OLFM3: variants seen among roughly 807,000 people sequenced by gnomAD.
OLFM3 encodes noelin-3.
In OLFM3, 20 loss-of-function variants were observed where a neutral mutation model predicts 48.6. The ratio of observed to expected loss-of-function variants is 0.41; its 90% CI spans 0.29 to 0.60. The LOEUF (loss-of-function observed/expected upper bound fraction) is 0.60. Ranked by LOEUF, OLFM3 falls within the 20% of genes least tolerant of loss-of-function variation. The probability of loss-of-function intolerance (pLI) is 0.28; values close to 1 mark genes in which losing one functional copy is unlikely to be tolerated. For missense variants in OLFM3, 437 were observed against 544.3 expected (o/e 0.80, Z 1.96); for synonymous variants, 222 against 198.1 (o/e 1.12, Z -1.01).
chr1:101,829,684 A>G (rs1655049065), intron 3 of OLFM3, among the ~76,000 whole-genome samples: 3 of 152,246 alleles, frequency 2.0e-5, no homozygotes, highest in African/African-American at 2.4e-5. Context: ...CCTCAACATC[A>G]GCAGTGAATC....
chr1:101,914,857 G>A (rs1447919505), intron 1 of OLFM3, among the ~76,000 whole-genome samples: 1 of 152,204 alleles, frequency 6.6e-6, no homozygotes, highest in Non-Finnish European at 1.5e-5. Context: ...ATATTTGACA[G>A]AAAGAAGAGG....
In OLFM3 at chr1:101,850,068, C is replaced by T. The variant is rs568730207; in HGVS notation, c.70-13043G>A. 2.6e-5 allele frequency among the ~76,000 whole-genome samples: 4 copies of T among 152,294 alleles called. No homozygotes were observed. In the East Asian group the frequency reaches 7.7e-4, roughly 29 times the overall value. ...TCAACGTAAAAATGCAGTTTTAAAA[C>T]TACCACAATTTTCATTTATTCAATT... On this transcript the variant is annotated intron_variant, in intron 1 of 5. Transcript: ENST00000370103.
At chr1:101,974,715 C>T (rs373520740) in intron 1 of OLFM3, among the ~76,000 whole-genome samples, 2 of 152,118 alleles carry the variant, frequency 1.3e-5, no homozygotes, top group African/African-American at 4.8e-5. Flanking sequence ...TGCTCTGAAC[C>T]GGGCTTGTGG....
At position 101,889,374 on chromosome 1, in the gene OLFM3, C is replaced by T. The variant is rs550131893; in HGVS notation, c.70-52349G>A. Among the ~76,000 whole-genome samples the T allele has an allele frequency of 3.3e-5, 5 of 152,148 alleles. No homozygotes were observed. In the East Asian group the frequency reaches 7.7e-4, roughly 24 times the overall value. ...GTAGGGACATGAATGAAGCTGGAAG[C>T]CATCATTCTGAGCAAACTATTGAAA... is the stretch of plus-strand genomic sequence containing the variant. On this transcript the variant is annotated intron_variant, in intron 1 of 5. Coordinates refer to ENST00000370103, the MANE Select transcript of OLFM3 (RefSeq NM_058170.4).
At chr1:101,915,464 C>T (rs1398975570) in intron 1 of OLFM3, among the ~76,000 whole-genome samples, 1 of 151,938 alleles carries the variant, frequency 6.6e-6, no homozygotes, top group East Asian at 1.9e-4. Flanking sequence ...CAATGAAGCA[C>T]TTTATCTTAA....
chr1:101,802,695 A>G lies in OLFM3; in HGVS notation c.*1543T>C, dbSNP rs1653546737. On this transcript the variant is annotated 3_prime_UTR_variant, in exon 6 of 6. Transcript: ENST00000370103. ...TTAGGATTTCTTTACATGATGCTTT[A>G]TCTAAATCATTACATCCTTATCTTT... The G allele has an allele frequency of 6.6e-6, 1 of 151,680 alleles. No individual in the cohort carries two copies. Among genetic ancestry groups the G allele is most frequent in the Non-Finnish European group, 1.5e-5 (1 of 67,748 alleles). 9.4% of individuals were successfully genotyped at this position (151,680 alleles called of 1,614,324 possible).
intron 1 of OLFM3, among the ~76,000 whole-genome samples, chr1:101,942,164 G>A (rs1420406956): frequency 6.6e-6 from 1 of 152,148 alleles, no homozygotes; most frequent in Admixed American, 6.5e-5. Context: ...AGAATCAAAA[G>A]AAAGTGGTAA....
chr1:101,805,953 T>C (rs1447478229), intron 5 of OLFM3, 123 bp downstream of exon 5: 3 of 587,034 alleles, frequency 5.1e-6, no homozygotes, highest in South Asian at 5.9e-5. Context: ...CAGAAAATAT[T>C]TGCAAATTAT....
intron 1 of OLFM3, among the ~76,000 whole-genome samples, chr1:101,907,435 G>A (rs1658588987): frequency 6.6e-6 from 1 of 152,170 alleles, no homozygotes; most frequent in Admixed American, 6.5e-5. Flanking sequence ...CTGACAGCTT[G>A]ACCTTACTTG....
intron 1 of OLFM3, among the ~76,000 whole-genome samples, chr1:101,887,350 C>T (rs1308005989): frequency 6.6e-6 from 1 of 151,004 alleles, no homozygotes; most frequent in Non-Finnish European, 1.5e-5. Context: ...TTAAAGAGCT[C>T]CTAGATATTT....
chr1:101,867,731 C>T (rs1192801338), intron 1 of OLFM3, among the ~76,000 whole-genome samples: 2 of 152,146 alleles, frequency 1.3e-5, no homozygotes, highest in African/African-American at 4.8e-5. Flanking sequence ...TTACCTATGT[C>T]TATAACAGGA....
chr1:101,959,337 C>CT (rs34790874), intron 1 of OLFM3, among the ~76,000 whole-genome samples: 7,697 of 105,858 alleles, frequency 0.073, 332 homozygotes, highest in African/African-American at 0.16. Flanking sequence ...TCCTCCCCTC[C>CT]TTTTTTTTTT....
At chr1:101,819,272 A>G (rs6577274) in intron 4 of OLFM3, among the ~76,000 whole-genome samples, 100,808 of 151,960 alleles carry the variant, frequency 0.66, 33,691 homozygotes, top group Non-Finnish European at 0.69. Flanking sequence ...GAGTAAGTGC[A>G]TGATGAGAAC....
intron 1 of OLFM3, among the ~76,000 whole-genome samples, chr1:101,878,359 C>T (rs987278580): frequency 4.0e-5 from 6 of 151,772 alleles, no homozygotes; most frequent in African/African-American, 1.5e-4. Flanking sequence ...CCCATCAGTG[C>T]CAGAGGAAGC....
At chr1:101,933,740 A>G (rs752177842) in intron 1 of OLFM3, among the ~76,000 whole-genome samples, 7 of 152,130 alleles carry the variant, frequency 4.6e-5, no homozygotes, top group African/African-American at 1.4e-4. Context: ...TACAAAGGGA[A>G]CCCCATCAGG....
chr1:101,941,893 A>G (rs1190906254), intron 1 of OLFM3, among the ~76,000 whole-genome samples: 1 of 152,182 alleles, frequency 6.6e-6, no homozygotes, highest in Non-Finnish European at 1.5e-5. Context: ...AGATACCAGT[A>G]AAACTAACTT....
intron 4 of OLFM3, among the ~76,000 whole-genome samples, chr1:101,814,683 T>A (rs1401893885): frequency 6.6e-6 from 1 of 152,210 alleles, no homozygotes. Flanking sequence ...TCGGCCTGGA[T>A]TTGAATCCTG....
chr1:101,919,389 G>A (rs534364845), intron 1 of OLFM3, among the ~76,000 whole-genome samples: 10 of 151,870 alleles, frequency 6.6e-5, no homozygotes, highest in African/African-American at 1.4e-4. Flanking sequence ...CCCGTTATAC[G>A]GAAACGTAAT....
chr1:101,825,290 T>G, intron 3 of OLFM3, 45 bp from the exon 4 acceptor site: 5 of 1,393,600 alleles, frequency 3.6e-6, no homozygotes, highest in Non-Finnish European at 4.0e-6. Flanking sequence ...TTAAAACAGA[T>G]CATGCTGCTC....
Sources: allele counts gnomAD v4.1 joint callset (sites outside exome capture counted in the v4.1 genomes callset), GRCh38; gene constraint gnomAD v4.1.1; transcripts MANE v1.5; gene names NCBI Gene and HGNC (gene_info 2026-07-23, HGNC 2026-07-21).